Variants in GMDS observed in about 807,000 individuals in gnomAD.
The protein encoded by GMDS is GDP-mannose 4,6 dehydratase.
GMDS carries 20 observed loss-of-function variants against 49.9 expected under a neutral mutation model. The ratio of observed to expected loss-of-function variants is 0.40; its 90% CI spans 0.28 to 0.58. GMDS has a LOEUF of 0.58. Among genes scored for constraint, GMDS ranks in the 20% least tolerant of loss-of-function variants. The pLI is 0.42. For synonymous variants in GMDS, 177 were observed against 178.6 expected (o/e 0.99, Z 0.07); for missense variants, 362 against 481.4 (o/e 0.75, Z 2.32).
intron 1 of GMDS, among the ~76,000 whole-genome samples, chr6:2,193,497 C>A (rs912417784): frequency 7.2e-5 from 11 of 152,210 alleles, no homozygotes; most frequent in Non-Finnish European, 1.2e-4. Flanking sequence ...CCCTAGGCAG[C>A]AGGGTCTCCA....
At chr6:2,071,913 T>C (rs1207501959) in intron 4 of GMDS, among the ~76,000 whole-genome samples, 1 of 152,196 alleles carries the variant, frequency 6.6e-6, no homozygotes, top group Non-Finnish European at 1.5e-5. Flanking sequence ...ACTTTCTTTA[T>C]GTCTAAAATG....
At chr6:1,629,449 A>T (rs12196349) in intron 9 of GMDS, among the ~76,000 whole-genome samples, 18 of 151,916 alleles carry the variant, frequency 1.2e-4, no homozygotes, top group African/African-American at 3.4e-4. Flanking sequence ...GACTGTCCGT[A>T]GGCAGAGCTC....
chr6:1,870,427 A>G (rs1342041411), intron 7 of GMDS, among the ~76,000 whole-genome samples: 3 of 152,118 alleles, frequency 2.0e-5, no homozygotes, highest in Non-Finnish European at 4.4e-5. Context: ...TCAAGCCACA[A>G]TGTCAATCTT....
At position 2,038,617 on chromosome 6, in the gene GMDS, A is replaced by C. The variant is rs890120853; in HGVS notation, c.345+77154T>G. 1.3e-5 allele frequency among the ~76,000 whole-genome samples: 2 copies of C among 152,206 alleles called. 1 individual carries two copies. The highest frequency in any genetic ancestry group is 4.1e-4 in the South Asian group (2 of 4,826). ...ACAGCTCTTCATATAACTTTTCTCA[A>C]AAGTATTCTTCCCAATTCAGACTCC... On this transcript the variant is annotated intron_variant, in intron 4 of 10. Coordinates refer to ENST00000380815, the MANE Select transcript of GMDS (RefSeq NM_001500.4).
chr6:1,906,108 G>T, intron 7 of GMDS, among the ~76,000 whole-genome samples: 1 of 152,174 alleles, frequency 6.6e-6, no homozygotes. Flanking sequence ...TACTGTAACT[G>T]TTAGCTTTGT....
intron 4 of GMDS, among the ~76,000 whole-genome samples, chr6:2,064,647 G>A (rs1353055510): frequency 1.3e-5 from 2 of 152,158 alleles, no homozygotes; most frequent in African/African-American, 4.8e-5. Context: ...CCAGGCTCTT[G>A]CAGCCCTGTT....
rs56167840 is a variant in GMDS at position 1,888,134 on chromosome 6, A to ATTTTT, written c.771+41964_771+41968dup. On this transcript the variant is annotated intron_variant, in intron 7 of 10. Transcript: ENST00000380815. Reference sequence around the variant, plus strand: ...TGGCTATTTTTTTATTATTATTATTATTTTTTTTTTTTTTTTGAAGAGATG... The same window carrying ATTTTT: ...TGGCTATTTTTTTATTATTATTATTATTTTTTTTTTTTTTTTTTTTTGAAGAGATG... Among the ~76,000 whole-genome samples the ATTTTT allele has an allele frequency of 1.9e-4, 27 of 140,486 alleles. 3 individuals carry two copies. The highest frequency in any genetic ancestry group is 3.7e-3 in the Middle Eastern group (1 of 268). The allele number at this position is 140,486 out of a possible 152,430, so 92.2% of individuals were successfully genotyped here. A position where few individuals can be genotyped will look rare whatever the true frequency, so the allele number is the denominator to read the frequency against.
At chr6:1,863,796 A>G (rs1758311714) in intron 7 of GMDS, among the ~76,000 whole-genome samples, 1 of 152,222 alleles carries the variant, frequency 6.6e-6, no homozygotes, top group Admixed American at 6.5e-5. Context: ...AAAGCCAAAC[A>G]TCTCACATAC....
rs1036177613 is a variant in GMDS at position 2,191,981 on chromosome 6, C to T, written c.102+53340G>A. ...ATGGACCAACTGGCACACACTTCCT[C>T]CACTCTGAGGCCCATAAAAGCCCCG... On this transcript the variant is annotated intron_variant, in intron 1 of 10. Coordinates refer to ENST00000380815, the MANE Select transcript of GMDS (RefSeq NM_001500.4). This position sits in a 1 kb window ranked among gnomAD's most constrained non-coding sequence, Gnocchi z 4.6. Among the ~76,000 whole-genome samples, 9 of 152,198 alleles carry T rather than the reference C, an allele frequency of 5.9e-5. No homozygotes were observed. The highest frequency in any genetic ancestry group is 2.6e-4 in the Admixed American group (4 of 15,284).
intron 7 of GMDS, among the ~76,000 whole-genome samples, chr6:1,797,993 A>T (rs1769803678): frequency 6.6e-6 from 1 of 152,212 alleles, no homozygotes; most frequent in African/African-American, 2.4e-5. Flanking sequence ...GGAATGTCAC[A>T]TAGTTATTTC....
At chr6:1,896,547 C>T (rs1760199640) in intron 7 of GMDS, among the ~76,000 whole-genome samples, 1 of 152,012 alleles carries the variant, frequency 6.6e-6, no homozygotes, top group Non-Finnish European at 1.5e-5. Context: ...GGGAATCTGA[C>T]AGCGGGGAAG....
chr6:2,198,375 A>T (rs1418221474), intron 1 of GMDS, among the ~76,000 whole-genome samples: 1 of 152,234 alleles, frequency 6.6e-6, no homozygotes. Flanking sequence ...AATGAAATAC[A>T]TCCAAAATAT....
At chr6:2,117,388 A>G in intron 3 of GMDS, 81 bp downstream of exon 3, 1 of 841,428 alleles carries the variant, frequency 1.2e-6, no homozygotes, top group Non-Finnish European at 2.0e-6. Context: ...CAAAAATGAC[A>G]TTTGAAAACA....
intron 7 of GMDS, among the ~76,000 whole-genome samples, chr6:1,837,284 T>C (rs759996174): frequency 2.6e-5 from 4 of 151,976 alleles, no homozygotes; most frequent in African/African-American, 7.3e-5. Context: ...AGGGCAGGGG[T>C]GGGTGGAGGG....
At chr6:2,145,574 A>G (rs1201572863) in intron 1 of GMDS, among the ~76,000 whole-genome samples, 1 of 151,070 alleles carries the variant, frequency 6.6e-6, no homozygotes, top group East Asian at 1.9e-4. Context: ...AATAAAATAA[A>G]GAGACAACCC....
chr6:2,003,411 C>A (rs1470376149), intron 4 of GMDS, among the ~76,000 whole-genome samples: 1 of 152,062 alleles, frequency 6.6e-6, no homozygotes, highest in Non-Finnish European at 1.5e-5. Flanking sequence ...CAAAGCACTG[C>A]CAAGCGAAAT....
In GMDS at chr6:1,836,476, A is replaced by G. The variant is rs1276662260; in HGVS notation, c.771+93627T>C. 6.6e-6 allele frequency among the ~76,000 whole-genome samples: 1 copy of G among 152,166 alleles called. No individual in the cohort carries two copies. Among genetic ancestry groups the G allele is most frequent in the Non-Finnish European group, 1.5e-5 (1 of 68,020 alleles). ...GATGTCTATCATAGTATTTTCTATT[A>G]TGTTGCTAGATAAAGACATTTTTAG... On this transcript the variant is annotated intron_variant, in intron 7 of 10. Coordinates refer to ENST00000380815, the MANE Select transcript of GMDS (RefSeq NM_001500.4). This position sits in a 1 kb window ranked among gnomAD's most constrained non-coding sequence, Gnocchi z 4.2.
chr6:2,069,554 C>T (rs1459161575), intron 4 of GMDS, among the ~76,000 whole-genome samples: 1 of 152,000 alleles, frequency 6.6e-6, no homozygotes, highest in African/African-American at 2.4e-5. Flanking sequence ...CTACAATGAA[C>T]TCAAACAAAT....
At chr6:2,045,989 T>C (rs939419659) in intron 4 of GMDS, among the ~76,000 whole-genome samples, 7 of 152,080 alleles carry the variant, frequency 4.6e-5, no homozygotes, top group Admixed American at 6.5e-5. Flanking sequence ...GGCAGGAGGA[T>C]CACTTGAGCT....
Sources: allele counts gnomAD v4.1 joint callset (sites outside exome capture counted in the v4.1 genomes callset), GRCh38; gene constraint gnomAD v4.1.1; non-coding constraint Gnocchi (gnomAD v3.1); transcripts MANE v1.5; gene names NCBI Gene and HGNC (gene_info 2026-07-23, HGNC 2026-07-21).